AFTPH: variants seen among roughly 807,000 people sequenced by gnomAD.
AFTPH encodes aftiphilin.
A neutral mutation model predicts 72.5 loss-of-function variants in AFTPH; 7 were observed. That is an observed-to-expected ratio of 0.10 (90% CI 0.05 to 0.18). The LOEUF is 0.18. Ranked by LOEUF, AFTPH falls within the 10% of genes least tolerant of loss-of-function variation. The pLI is 1.00. For missense variants in AFTPH, 979 were observed against 1,060.5 expected, an observed-to-expected ratio of 0.92 and a Z score of 1.07; for synonymous variants, 337 against 370.1, an observed-to-expected ratio of 0.91 and a Z score of 1.03.
At chr2:64,585,748 T>C (rs944471504) in intron 8 of AFTPH, among the ~76,000 whole-genome samples, 1 of 152,180 alleles carries the variant, frequency 6.6e-6, no homozygotes, top group East Asian at 1.9e-4. Context: ...TCATAAGAGA[T>C]TGGCCAAGGC....
intron 1 of AFTPH, among the ~76,000 whole-genome samples, chr2:64,528,791 G>T (rs1387402629): frequency 6.6e-6 from 1 of 152,096 alleles, no homozygotes; most frequent in East Asian, 1.9e-4. Flanking sequence ...GAGAGGGGCA[G>T]TGTTTTAGGG....
Position 64,579,854 on chromosome 2 carries a change from C to G in AFTPH, c.2455+308C>G, listed in dbSNP as rs190183822. ...GGTATTTTAGCTAGGACCAATTTAC[C>G]TTGAATTTTTTTCTGTAAGTTTTAA... On this transcript the variant is annotated intron_variant, in intron 7 of 8. Transcript: ENST00000238856. The G allele has an allele frequency of 9.7e-4, 231 of 238,020 alleles. 3 individuals carry two copies. Among genetic ancestry groups the G allele is most frequent in the African/African-American group, 4.5e-3 (202 of 44,572 alleles). The allele number at this position is 238,020 out of a possible 1,614,324, so 14.7% of individuals were successfully genotyped here.
In AFTPH at chr2:64,583,941, A is replaced by G. The variant is rs534125824; in HGVS notation, c.2456-1481A>G. On this transcript the variant is annotated intron_variant, in intron 7 of 8. Transcript: ENST00000238856. The stretch of plus-strand genomic sequence containing the variant: ...CAGTTTCTGATTTTTTAATTTTTTA[A>G]TATGTTAAGTATCTTAAAAGGAAAA... Among the ~76,000 whole-genome samples, 19 of 152,190 alleles carry G rather than the reference A, an allele frequency of 1.2e-4. No individual in the cohort carries two copies. The South Asian group carries it at 3.9e-3, about 32-fold the overall frequency.
intron 7 of AFTPH, 99 bp downstream of exon 7, chr2:64,579,645 C>A: frequency 1.8e-6 from 2 of 1,092,298 alleles, no homozygotes; most frequent in Non-Finnish European, 2.7e-6. Flanking sequence ...TTTGTTTGAA[C>A]ATAACTTATT....
At chr2:64,539,981 C>T (rs1210373350) in intron 1 of AFTPH, among the ~76,000 whole-genome samples, 1 of 151,908 alleles carries the variant, frequency 6.6e-6, no homozygotes, top group Non-Finnish European at 1.5e-5. Context: ...AGAGGCTGAA[C>T]GTTTATAGGA....
chr2:64,572,125 CAGG>C (rs988839104), intron 5 of AFTPH, among the ~76,000 whole-genome samples: 2 of 150,520 alleles, frequency 1.3e-5, no homozygotes, highest in African/African-American at 4.9e-5. Flanking sequence ...GAGGCTGAGG[CAGG>C]AGAATCGCTT....
intron 8 of AFTPH, among the ~76,000 whole-genome samples, chr2:64,586,787 TA>T (rs1673544413): frequency 6.6e-6 from 1 of 152,194 alleles, no homozygotes; most frequent in African/African-American, 2.4e-5. Flanking sequence ...TGGCTTTTTT[TA>T]AATTTTTTTC....
intron 8 of AFTPH, among the ~76,000 whole-genome samples, chr2:64,590,164 A>C (rs1272716501): frequency 6.6e-6 from 1 of 152,144 alleles, no homozygotes; most frequent in African/African-American, 2.4e-5. Context: ...TGGGGCTCTT[A>C]AGTCCCTTTT....
chr2:64,588,256 C>T (rs1673625100), intron 8 of AFTPH, among the ~76,000 whole-genome samples: 1 of 152,152 alleles, frequency 6.6e-6, no homozygotes, highest in South Asian at 2.1e-4. Context: ...TTCTCAAGTT[C>T]ATTCATGTTG....
At chr2:64,579,646 A>C (rs577905158) in intron 7 of AFTPH, 100 bp downstream of exon 7, 3 of 1,087,618 alleles carry the variant, frequency 2.8e-6, no homozygotes. Flanking sequence ...TTGTTTGAAC[A>C]TAACTTATTC....
At chr2:64,529,938 G>A (rs1185393326) in intron 1 of AFTPH, among the ~76,000 whole-genome samples, 1 of 152,174 alleles carries the variant, frequency 6.6e-6, no homozygotes, top group Non-Finnish European at 1.5e-5. Context: ...CATATCACTT[G>A]AGGTTTGGAG....
intron 2 of AFTPH, among the ~76,000 whole-genome samples, chr2:64,565,694 C>T (rs1193543140): frequency 3.3e-5 from 5 of 152,164 alleles, no homozygotes; most frequent in African/African-American, 1.2e-4. Flanking sequence ...TTACATATGG[C>T]CTACAAGGCC....
chr2:64,569,140 T>C (rs373938301), exon 4 of AFTPH: 1 of 1,614,130 alleles, frequency 6.2e-7, no homozygotes, highest in Non-Finnish European at 8.5e-7. Context: ...ATGATGCACA[T>C]GGCTTGAGAT....
intron 2 of AFTPH, among the ~76,000 whole-genome samples, chr2:64,556,244 T>C (rs1326524690): frequency 6.6e-6 from 1 of 152,204 alleles, no homozygotes; most frequent in Non-Finnish European, 1.5e-5. Context: ...CGGCTCGGCC[T>C]CCCAAAGTGC....
At chr2:64,553,861 A>T (rs1021965653) in intron 2 of AFTPH, among the ~76,000 whole-genome samples, 1 of 151,918 alleles carries the variant, frequency 6.6e-6, no homozygotes, top group Admixed American at 6.6e-5. Flanking sequence ...TCCATCAAAG[A>T]CCTAGGAAAT....
intron 7 of AFTPH, among the ~76,000 whole-genome samples, chr2:64,584,753 T>G (rs377720504): frequency 2.6e-5 from 4 of 151,904 alleles, no homozygotes; most frequent in Non-Finnish European, 4.4e-5. Context: ...CCCACCACCA[T>G]GCCCGGCTAA....
chr2:64,533,027 G>A (rs189690368), intron 1 of AFTPH, among the ~76,000 whole-genome samples: 21 of 152,178 alleles, frequency 1.4e-4, no homozygotes, highest in African/African-American at 4.8e-4. Flanking sequence ...CCTTTTTCCT[G>A]CAGAAAATAA....
chr2:64,545,484 A>C (rs922384148), intron 1 of AFTPH, among the ~76,000 whole-genome samples: 14 of 147,652 alleles, frequency 9.5e-5, no homozygotes, highest in Middle Eastern at 3.5e-3. Context: ...TTATAATAGT[A>C]AGATACTGGA....
At chr2:64,553,479 A>C in intron 2 of AFTPH, 70 bp downstream of exon 2, 2 of 1,469,104 alleles carry the variant, frequency 1.4e-6, no homozygotes, top group Non-Finnish European at 1.8e-6. Flanking sequence ...TCAGCTTTTC[A>C]AAAAATATTT....
Sources: gnomAD v4.1 joint callset for allele counts (sites outside exome capture counted in the v4.1 genomes callset) on GRCh38, gnomAD v4.1.1 for gene constraint, MANE v1.5 for transcripts, NCBI Gene and HGNC (gene_info 2026-07-23, HGNC 2026-07-21) for gene names.